The following RBMS1 variants were observed in gnomAD, a reference collection of about 807,000 sequenced individuals.
RBMS1 encodes the protein RNA-binding motif, single-stranded-interacting protein 1.
RBMS1 carries 17 observed loss-of-function variants against 62.3 expected under a neutral mutation model. The ratio of observed to expected loss-of-function variants is 0.27; its 90% confidence interval spans 0.19 to 0.41. RBMS1 has a LOEUF of 0.41. Among genes scored for constraint, RBMS1 ranks in the 10% least tolerant of loss-of-function variants. RBMS1 has a pLI of 1.00. For missense variants in RBMS1, 334 were observed against 504.5 expected (o/e 0.66, Z 3.24); for synonymous variants, 172 against 170.0 (o/e 1.01, Z -0.09).
chr2:160,354,878 T>TG (rs1355827012), intron 2 of RBMS1, among the ~76,000 whole-genome samples: 1 of 152,148 alleles, frequency 6.6e-6, no homozygotes, highest in Non-Finnish European at 1.5e-5. Context: ...AGAAAGTCCA[T>TG]GTGCCCTGGC....
At chr2:160,365,966 C>A (rs1016353844) in intron 2 of RBMS1, among the ~76,000 whole-genome samples, 6 of 152,170 alleles carry the variant, frequency 3.9e-5, no homozygotes, top group Admixed American at 2.0e-4. Flanking sequence ...TCACAGCAGT[C>A]GCTAGTGCAG....
At chr2:160,453,509 TAA>T (rs1197836980) in intron 1 of RBMS1, among the ~76,000 whole-genome samples, 4 of 152,204 alleles carry the variant, frequency 2.6e-5, no homozygotes, top group African/African-American at 9.7e-5. Context: ...AAAAGAATTT[TAA>T]AAGTGATCCC....
chr2:160,298,217 C>G (rs549408165), intron 6 of RBMS1, among the ~76,000 whole-genome samples: 1 of 152,196 alleles, frequency 6.6e-6, no homozygotes, highest in African/African-American at 2.4e-5. Context: ...GAGTCCAGTC[C>G]TGGGTTTCTA....
intron 2 of RBMS1, among the ~76,000 whole-genome samples, chr2:160,354,650 G>A (rs1398668326): frequency 1.3e-5 from 2 of 152,072 alleles, no homozygotes; most frequent in Admixed American, 1.3e-4. Flanking sequence ...TTGTAAATCT[G>A]GAAATCTAAA....
intron 6 of RBMS1, among the ~76,000 whole-genome samples, chr2:160,300,244 T>C (rs1439872503): frequency 1.3e-5 from 2 of 151,990 alleles, no homozygotes; most frequent in Non-Finnish European, 2.9e-5. Context: ...TGTAAAACCA[T>C]GGGAGAAAGT....
At chr2:160,338,135 G>GT (rs1691679178) in intron 2 of RBMS1, among the ~76,000 whole-genome samples, 1 of 152,088 alleles carries the variant, frequency 6.6e-6, no homozygotes, top group African/African-American at 2.4e-5. Context: ...TGCAAAATTG[G>GT]TAACTGTCCT....
chr2:160,422,762 C>T (rs572414193), intron 1 of RBMS1, among the ~76,000 whole-genome samples: 148 of 152,160 alleles, frequency 9.7e-4, no homozygotes, highest in Middle Eastern at 3.4e-3. Flanking sequence ...ATTTTTTTCA[C>T]CAGATTTTTC....
Position 160,493,510 on chromosome 2 carries a change from CG to C in RBMS1, c.-148del. 1.5e-6 allele frequency: 1 copy of C among 665,364 alleles called. No individual in the cohort carries two copies. The highest frequency in any genetic ancestry group is 2.7e-6 in the Non-Finnish European group (1 of 376,650). The allele number at this position is 665,364 out of a possible 1,614,324, so 41.2% of individuals were successfully genotyped here. On this transcript the variant is annotated 5_prime_UTR_variant, in exon 1 of 14. Coordinates refer to ENST00000348849, the MANE Select transcript of RBMS1 (RefSeq NM_016836.4). ...TGCTGCCGCTGCTCCACCTCCCAGC[CG>C]GGACCAGACGTCCTCCTCCTCCTCC...
At chr2:160,414,824 G>A (rs1042066493) in intron 1 of RBMS1, among the ~76,000 whole-genome samples, 3 of 148,834 alleles carry the variant, frequency 2.0e-5, no homozygotes, top group South Asian at 2.1e-4. Context: ...TCCAGCCTGG[G>A]CAACAGAGCA....
intron 1 of RBMS1, among the ~76,000 whole-genome samples, chr2:160,399,561 A>G (rs1309812673): frequency 6.6e-6 from 1 of 151,950 alleles, no homozygotes; most frequent in Non-Finnish European, 1.5e-5. Flanking sequence ...CCTACAACTC[A>G]ATTAATTATA....
chr2:160,339,351 T>G (rs1321233166), intron 2 of RBMS1, among the ~76,000 whole-genome samples: 1 of 152,148 alleles, frequency 6.6e-6, no homozygotes, highest in Non-Finnish European at 1.5e-5. Flanking sequence ...CAAGATAAAA[T>G]TCCAGGAAAA....
chr2:160,440,439 G>GT (rs1481069234), intron 1 of RBMS1, among the ~76,000 whole-genome samples: 1 of 152,000 alleles, frequency 6.6e-6, no homozygotes, highest in Non-Finnish European at 1.5e-5. Context: ...TTCATCCATC[G>GT]TTTGACTCCC....
intron 2 of RBMS1, among the ~76,000 whole-genome samples, chr2:160,364,786 G>A (rs1693309506): frequency 6.6e-6 from 1 of 152,090 alleles, no homozygotes; most frequent in African/African-American, 2.4e-5. Context: ...TTCCTGGCTT[G>A]TCCCCATCTT....
In RBMS1 at chr2:160,337,135, C is replaced by CTTTTTT. The variant is rs768216149; in HGVS notation, c.252-18914_252-18909dup. 2.2e-5 allele frequency among the ~76,000 whole-genome samples: 3 copies of CTTTTTT among 136,370 alleles called. 1 individual carries two copies. Among genetic ancestry groups the CTTTTTT allele is most frequent in the Non-Finnish European group, 1.6e-5 (1 of 63,256 alleles). 89.5% of individuals were successfully genotyped at this position (136,370 alleles called of 152,430 possible). A position where few individuals can be genotyped will look rare whatever the true frequency, so the allele number is the denominator to read the frequency against. Reference sequence around the variant, plus strand: ...TTCTTTTCGTTTTTCTTTTTCTTTTCTTTTTTTTTTTTTTTTGAGCCAGAG... The same window carrying CTTTTTT: ...TTCTTTTCGTTTTTCTTTTTCTTTTCTTTTTTTTTTTTTTTTTTTTTTGAGCCAGAG... On this transcript the variant is annotated intron_variant, in intron 2 of 13. Coordinates refer to ENST00000348849, the MANE Select transcript of RBMS1 (RefSeq NM_016836.4).
intron 2 of RBMS1, among the ~76,000 whole-genome samples, chr2:160,342,811 G>A (rs145926750): frequency 2.0e-5 from 3 of 150,668 alleles, no homozygotes; most frequent in Non-Finnish European, 4.4e-5. Flanking sequence ...GGTGGCAGGC[G>A]CTTGTAATCC....
chr2:160,300,862 A>C, intron 5 of RBMS1, 132 bp from the exon 6 acceptor site: 1 of 1,040,230 alleles, frequency 9.6e-7, no homozygotes, highest in South Asian at 2.5e-5. Flanking sequence ...GAATATGATA[A>C]AGGGTCTATT....
intron 4 of RBMS1, among the ~76,000 whole-genome samples, chr2:160,310,435 T>C (rs1689786288): frequency 6.6e-6 from 1 of 152,228 alleles, no homozygotes; most frequent in Non-Finnish European, 1.5e-5. Flanking sequence ...ATAAACTGTA[T>C]TTGCTATGTA....
At chr2:160,311,242 A>ATATCTATATATCTATATATCTATATATC (rs1469764112) in intron 4 of RBMS1, among the ~76,000 whole-genome samples, 13 of 123,658 alleles carry the variant, frequency 1.1e-4, no homozygotes, top group Non-Finnish European at 2.0e-4. Flanking sequence ...CTATATATAT[A>ATATCTATATATCTATATATCTATATATC]TATATATATA....
At chr2:160,419,325 C>T (rs73002668) in intron 1 of RBMS1, among the ~76,000 whole-genome samples, 3,788 of 152,162 alleles carry the variant, frequency 0.025, 157 homozygotes, top group African/African-American at 0.082. Flanking sequence ...TGTTTTCCTC[C>T]CTTTCTATGC....
Sources: allele counts gnomAD v4.1 joint callset (sites outside exome capture counted in the v4.1 genomes callset), GRCh38; gene constraint gnomAD v4.1.1; transcripts MANE v1.5; gene names NCBI Gene and HGNC (gene_info 2026-07-23, HGNC 2026-07-21).